KLHL32: variants seen among roughly 807,000 people sequenced by gnomAD.
The protein encoded by KLHL32 is kelch-like protein 32.
KLHL32 carries 35 observed loss-of-function variants against 64.8 expected under a neutral mutation model. The observed-to-expected ratio is 0.54, with a 90% CI of 0.41 to 0.72. The LOEUF (loss-of-function observed/expected upper bound fraction) is 0.72, where lower values mean the gene tolerates loss of function less well. Among genes scored for constraint, KLHL32 ranks in the 30% least tolerant of loss-of-function variants. The pLI, the probability that KLHL32 is intolerant of heterozygous loss-of-function variation, is 0.00. For synonymous variants in KLHL32, 259 were observed against 281.0 expected, an observed-to-expected ratio of 0.92 and a Z score of 0.78; for missense variants, 589 against 768.5, an observed-to-expected ratio of 0.77 and a Z score of 2.76.
At chr6:96,908,229 C>G in the KLHL32 span, among the ~76,000 whole-genome samples, 2 of 152,134 alleles carry the variant, frequency 1.3e-5, no homozygotes, top group Non-Finnish European at 2.9e-5. Context: ...CAAGATAAGT[C>G]AAAGGTTTCT....
intron 5 of KLHL32, among the ~76,000 whole-genome samples, chr6:97,078,017 T>C (rs1791875107): frequency 1.3e-5 from 2 of 152,226 alleles, no homozygotes; most frequent in South Asian, 4.1e-4. Context: ...TAGAATTCAT[T>C]CAGTGATAAA....
At chr6:96,985,503 G>C (rs577684067) in intron 3 of KLHL32, among the ~76,000 whole-genome samples, 1 of 152,310 alleles carries the variant, frequency 6.6e-6, no homozygotes, top group South Asian at 2.1e-4. Context: ...TCACTTTCAA[G>C]TATACCAATC....
At chr6:97,129,745 G>A (rs916213452) in intron 8 of KLHL32, among the ~76,000 whole-genome samples, 2 of 152,118 alleles carry the variant, frequency 1.3e-5, no homozygotes, top group African/African-American at 4.8e-5. Flanking sequence ...AGCCAGGTTT[G>A]GTGGCACTTG....
chr6:96,988,898 G>C (rs1484701852), intron 3 of KLHL32, among the ~76,000 whole-genome samples: 3 of 151,466 alleles, frequency 2.0e-5, no homozygotes, highest in Non-Finnish European at 4.4e-5. Flanking sequence ...GGTGGGAATT[G>C]AACAATGAGA....
intron 3 of KLHL32, among the ~76,000 whole-genome samples, chr6:97,014,268 C>G (rs995884405): frequency 1.3e-5 from 2 of 150,478 alleles, no homozygotes; most frequent in African/African-American, 4.9e-5. Flanking sequence ...GCACTCCAAC[C>G]TGGGTGACAG....
At chr6:97,006,013 A>G (rs1779621092) in intron 3 of KLHL32, among the ~76,000 whole-genome samples, 1 of 152,104 alleles carries the variant, frequency 6.6e-6, no homozygotes, top group South Asian at 2.1e-4. Flanking sequence ...AGTTCAGTAG[A>G]TGTCTGTTAG....
At chr6:96,941,429 C>A (rs1050208844) in intron 1 of KLHL32, among the ~76,000 whole-genome samples, 4 of 151,936 alleles carry the variant, frequency 2.6e-5, no homozygotes, top group Non-Finnish European at 4.4e-5. Flanking sequence ...TCTGAAAAAC[C>A]TGTTGTTATT....
At chr6:96,933,630 A>C (rs1043271841) in intron 1 of KLHL32, among the ~76,000 whole-genome samples, 1 of 152,164 alleles carries the variant, frequency 6.6e-6, no homozygotes, top group Non-Finnish European at 1.5e-5. Flanking sequence ...AAGCATATTG[A>C]CAGTTTCAGG....
At chr6:96,966,134 G>T (rs1317673602) in intron 1 of KLHL32, among the ~76,000 whole-genome samples, 1 of 152,086 alleles carries the variant, frequency 6.6e-6, no homozygotes, top group Non-Finnish European at 1.5e-5. Flanking sequence ...TCCTGTTATT[G>T]CTTTCCAAAA....
chr6:96,966,056 GCTCT>G (rs1211904421), intron 1 of KLHL32, among the ~76,000 whole-genome samples: 1 of 152,098 alleles, frequency 6.6e-6, no homozygotes, highest in East Asian at 1.9e-4. Flanking sequence ...GTAAATCATA[GCTCT>G]CTCTTTTATA....
At chr6:97,110,399 A>G (rs924370918) in intron 6 of KLHL32, among the ~76,000 whole-genome samples, 3 of 152,196 alleles carry the variant, frequency 2.0e-5, no homozygotes, top group Non-Finnish European at 4.4e-5. Flanking sequence ...ATGACGTAGC[A>G]GAAGTGAATT....
At chr6:97,094,791 C>T (rs1231612148) in intron 6 of KLHL32, among the ~76,000 whole-genome samples, 2 of 152,096 alleles carry the variant, frequency 1.3e-5, no homozygotes, top group Non-Finnish European at 2.9e-5. Flanking sequence ...ATTACTTATG[C>T]TTCAAGAACA....
intron 6 of KLHL32, among the ~76,000 whole-genome samples, chr6:97,111,731 G>A (rs928967934): frequency 2.0e-5 from 3 of 152,168 alleles, no homozygotes; most frequent in Admixed American, 6.5e-5. Context: ...GCGTTCAGGA[G>A]GAATGAAGTC....
intron 5 of KLHL32, among the ~76,000 whole-genome samples, chr6:97,069,439 A>G (rs968693733): frequency 3.5e-4 from 52 of 150,220 alleles, no homozygotes; most frequent in African/African-American, 1.2e-3. Context: ...AATTTCAGTA[A>G]GAAACTATGT....
intron 3 of KLHL32, among the ~76,000 whole-genome samples, chr6:96,993,124 A>G (rs1262791149): frequency 1.3e-5 from 2 of 152,228 alleles, no homozygotes; most frequent in Non-Finnish European, 2.9e-5. Context: ...TGGAGCTTGT[A>G]ATATAGATAC....
chr6:97,100,596 C>T (rs1403904372), intron 6 of KLHL32, among the ~76,000 whole-genome samples: 1 of 152,168 alleles, frequency 6.6e-6, no homozygotes, highest in Non-Finnish European at 1.5e-5. Context: ...AACATTAAAT[C>T]CTTAAATGCA....
At chr6:96,926,695 G>T (rs1043858646) in intron 1 of KLHL32, among the ~76,000 whole-genome samples, 2 of 152,188 alleles carry the variant, frequency 1.3e-5, no homozygotes, top group African/African-American at 4.8e-5. Context: ...AGTGGAGTGT[G>T]AACTGTGGCC....
chr6:97,099,053 AG>A (rs1310783014), intron 6 of KLHL32, among the ~76,000 whole-genome samples: 1 of 152,236 alleles, frequency 6.6e-6, no homozygotes, highest in Non-Finnish European at 1.5e-5. Context: ...TTCATCTTAA[AG>A]AAAGCATAAC....
At chr6:96,977,624 A>C (rs750517217) in intron 3 of KLHL32, among the ~76,000 whole-genome samples, 3 of 152,206 alleles carry the variant, frequency 2.0e-5, no homozygotes, top group Non-Finnish European at 4.4e-5. Context: ...ACACCAACTT[A>C]GGCCCATGAG....
Sources: gnomAD v4.1 joint callset for allele counts (sites outside exome capture counted in the v4.1 genomes callset) on GRCh38, gnomAD v4.1.1 for gene constraint, MANE v1.5 for transcripts, NCBI Gene and HGNC (gene_info 2026-07-23, HGNC 2026-07-21) for gene names.